KRAS: variants seen among roughly 807,000 people sequenced by gnomAD.
The protein encoded by KRAS is GTPase KRas.
Under a neutral mutation model 21.0 loss-of-function variants are expected in KRAS, and 1 was observed. That is an observed-to-expected ratio of 0.05 (90% CI 0.02 to 0.23). The LOEUF (loss-of-function observed/expected upper bound fraction) is 0.23. KRAS is among the 10% of genes least tolerant of loss of function. KRAS has a pLI of 1.00. For synonymous variants in KRAS, 67 were observed against 72.5 expected (o/e 0.92, Z 0.39); for missense variants, 107 against 221.8 (o/e 0.48, Z 3.29).
intron 1 of KRAS, among the ~76,000 whole-genome samples, chr12:25,247,997 C>A (rs1052055515): frequency 1.3e-5 from 2 of 152,052 alleles, no homozygotes; most frequent in Admixed American, 1.3e-4. Flanking sequence ...ATTAATAAAT[C>A]CCAAACAAAT....
intron 2 of KRAS, among the ~76,000 whole-genome samples, chr12:25,241,226 C>A (rs1160178016): frequency 6.6e-6 from 1 of 152,006 alleles, no homozygotes; most frequent in African/African-American, 2.4e-5. Context: ...TAGCAGAGAG[C>A]AAAAATGATA....
chr12:25,214,001 G>A (rs904366323), intron 4 of KRAS, among the ~76,000 whole-genome samples: 3 of 152,154 alleles, frequency 2.0e-5, no homozygotes, highest in African/African-American at 7.2e-5. Flanking sequence ...AGTAATATAG[G>A]AATGAAACAG....
chr12:25,235,264 C>T (rs1951529859), intron 2 of KRAS: 2 of 535,904 alleles, frequency 3.7e-6, no homozygotes, highest in African/African-American at 1.9e-5. Flanking sequence ...TCAATTAATG[C>T]TCAAGTACTT....
intron 4 of KRAS, among the ~76,000 whole-genome samples, chr12:25,216,722 A>G (rs1207538320): frequency 1.3e-5 from 2 of 152,224 alleles, no homozygotes; most frequent in African/African-American, 4.8e-5. Flanking sequence ...TATTGGCCAT[A>G]TGGAGATAAA....
chr12:25,209,986 T>C (rs1013519665), intron 4 of KRAS, 75 bp from the exon 5 acceptor site: 1 of 1,063,850 alleles, frequency 9.4e-7, no homozygotes, highest in Non-Finnish European at 1.4e-6. Context: ...ATTTCATTAA[T>C]GGAAAAAATA....
intron 2 of KRAS, among the ~76,000 whole-genome samples, chr12:25,238,351 A>C (rs1302537009): frequency 6.6e-6 from 1 of 152,228 alleles, no homozygotes; most frequent in Non-Finnish European, 1.5e-5. Flanking sequence ...GGTAAGAATG[A>C]GAGGCTGGAA....
chr12:25,244,193 G>T (rs1951647411), intron 2 of KRAS, among the ~76,000 whole-genome samples: 1 of 152,152 alleles, frequency 6.6e-6, no homozygotes, highest in Non-Finnish European at 1.5e-5. Context: ...ACCTGTTCTA[G>T]ATTTCACAGC....
In KRAS at chr12:25,206,084, T is replaced by C. The variant is rs1565877105; in HGVS notation, c.*3711A>G. The C allele has an allele frequency of 4.7e-6, 1 of 211,548 alleles. No individual in the cohort carries two copies. Among genetic ancestry groups the C allele is most frequent in the African/African-American group, 2.3e-5 (1 of 43,830 alleles). The allele number at this position is 211,548 out of a possible 1,614,324, so 13.1% of individuals were successfully genotyped here. A position where few individuals can be genotyped will look rare whatever the true frequency, so the allele number is the denominator to read the frequency against. On this transcript the variant is annotated 3_prime_UTR_variant, in exon 5 of 5. Transcript: ENST00000311936. ...AAAAAATCCCCTAAAAAAAGTTATA[T>C]ACTGTTTGAAGAAAAAATGTTTAGA...
At chr12:25,250,082 CA>C (rs1230999146) in intron 1 of KRAS, among the ~76,000 whole-genome samples, 1 of 151,870 alleles carries the variant, frequency 6.6e-6, no homozygotes, top group Non-Finnish European at 1.5e-5. Context: ...GGGGAGCATT[CA>C]GGAACTCGGA....
intron 4 of KRAS, chr12:25,210,825 A>C (rs934952855): frequency 1.3e-5 from 2 of 152,204 alleles, no homozygotes; most frequent in Non-Finnish European, 2.9e-5. Context: ...AGCGATTTTA[A>C]GCCATAATAC....
At chr12:25,249,309 A>C (rs992482630) in intron 1 of KRAS, among the ~76,000 whole-genome samples, 2 of 152,168 alleles carry the variant, frequency 1.3e-5, no homozygotes, top group African/African-American at 4.8e-5. Context: ...AGGCAGGAGA[A>C]TTGCTTGAAT....
intron 4 of KRAS, among the ~76,000 whole-genome samples, chr12:25,221,436 G>A (rs1241930025): frequency 3.3e-5 from 5 of 152,160 alleles, no homozygotes; most frequent in East Asian, 3.9e-4. Context: ...TTTCAACCAC[G>A]TTGGCCAGGC....
chr12:25,225,286 T>TTATTTA (rs1486092988), intron 4 of KRAS: 120 of 10,584 alleles, frequency 0.011, 8 homozygotes, highest in African/African-American at 0.04. Context: ...GCCCTGTTCT[T>TTATTTA]TATATATATA....
rs779370636 is a variant in KRAS at position 25,245,266 on chromosome 12, A to C, written c.111+8T>G. On this transcript the variant is annotated splice_region_variant and intron_variant, in intron 2 of 4. Transcript: ENST00000311936. ...CACCAGTAATATGCATATTAAAACA[A>C]GATTTACCTCTATTGTTGGATCATA... The C allele has an allele frequency of 7.5e-6, 12 of 1,600,296 alleles. No individual in the cohort carries two copies. Among genetic ancestry groups the C allele is most frequent in the Non-Finnish European group, 1.0e-5 (12 of 1,171,468 alleles).
At position 25,245,399 on chromosome 12, in the gene KRAS, A is replaced by G; in HGVS notation, c.-11-4T>C. 1.3e-6 allele frequency: 2 copies of G among 1,594,206 alleles called. No individual in the cohort carries two copies. The highest frequency in any genetic ancestry group is 1.7e-6 in the Non-Finnish European group (2 of 1,167,900). ...TATTCAGTCATTTTCAGCAGGCCTT[A>G]TAATAAAAATAATGAAAATGTGACT... On this transcript the variant is annotated splice_region_variant and splice_polypyrimidine_tract_variant and intron_variant, in intron 1 of 4. Transcript: ENST00000311936.
At chr12:25,238,305 G>C (rs7973746) in intron 2 of KRAS, among the ~76,000 whole-genome samples, 30,917 of 152,106 alleles carry the variant, frequency 0.2, 3,509 homozygotes, top group African/African-American at 0.31. Flanking sequence ...GTTCAAGTCA[G>C]ATGGCATTTG....
At chr12:25,235,306 C>A in intron 2 of KRAS, 4 of 479,400 alleles carry the variant, frequency 8.3e-6, no homozygotes, top group South Asian at 3.4e-5. Flanking sequence ...TATTTAAATT[C>A]ACTGTAGAAT....
Position 25,250,887 on chromosome 12 carries a change from TGCC to T in KRAS, c.-151_-149del. On this transcript the variant is annotated 5_prime_UTR_variant, in exon 1 of 5. Coordinates refer to ENST00000311936, the MANE Select transcript of KRAS (RefSeq NM_004985.5). ...CCGCCGCCACCTTCGCCGCCGCCAC[TGCC>T]GCCGCCGCTGCTGCCTCCGCCGCCG... 4.1e-6 allele frequency: 1 copy of T among 244,612 alleles called. No homozygotes were observed. The highest frequency in any genetic ancestry group is 7.7e-6 in the Non-Finnish European group (1 of 129,454). The allele number at this position is 244,612 out of a possible 1,614,324, so 15.2% of individuals were successfully genotyped here.
At chr12:25,212,068 C>T (rs1222316276) in intron 4 of KRAS, among the ~76,000 whole-genome samples, 1 of 152,138 alleles carries the variant, frequency 6.6e-6, no homozygotes, top group Non-Finnish European at 1.5e-5. Flanking sequence ...TCCAATGATA[C>T]AATAAAAATT....
Sources: allele counts gnomAD v4.1 joint callset (sites outside exome capture counted in the v4.1 genomes callset), GRCh38; gene constraint gnomAD v4.1.1; transcripts MANE v1.5; gene names NCBI Gene and HGNC (gene_info 2026-07-23, HGNC 2026-07-21).